The following RBFOX1 variants were observed in gnomAD, a reference collection of about 807,000 sequenced individuals.
The protein encoded by RBFOX1 is RNA binding protein fox-1 homolog 1.
RBFOX1 carries 8 observed loss-of-function variants against 57.7 expected under a neutral mutation model. That is an observed-to-expected ratio of 0.14 (90% CI 0.08 to 0.25). The LOEUF (loss-of-function observed/expected upper bound fraction) is 0.25. Among genes scored for constraint, RBFOX1 ranks in the 10% least tolerant of loss-of-function variants. The pLI is 1.00. For synonymous variants in RBFOX1, 326 were observed against 222.4 expected, an observed-to-expected ratio of 1.47 and a Z score of -4.15; for missense variants, 611 against 548.5, an observed-to-expected ratio of 1.11 and a Z score of -1.14.
intron 2 of RBFOX1, among the ~76,000 whole-genome samples, chr16:6,501,025 G>C (rs1022432748): frequency 6.6e-6 from 1 of 151,556 alleles, no homozygotes; most frequent in Non-Finnish European, 1.5e-5. Flanking sequence ...ACTTCAGCAG[G>C]GTAGGATGGT....
At chr16:6,554,860 G>A (rs372656398) in intron 2 of RBFOX1, among the ~76,000 whole-genome samples, 12 of 147,512 alleles carry the variant, frequency 8.1e-5, no homozygotes, top group African/African-American at 2.1e-4. Context: ...TCGCTCTGTC[G>A]CTCTCTCTCT....
At chr16:5,881,594 C>G (rs561944650) in intron 4 of RBFOX1, among the ~76,000 whole-genome samples, 1 of 152,190 alleles carries the variant, frequency 6.6e-6, no homozygotes, top group Non-Finnish European at 1.5e-5. Context: ...GTGGGAGGAG[C>G]ATTTGAACCT....
intron 3 of RBFOX1, among the ~76,000 whole-genome samples, chr16:5,647,935 C>T (rs780966810): frequency 6.6e-6 from 1 of 152,208 alleles, no homozygotes; most frequent in Non-Finnish European, 1.5e-5. Context: ...TCTCAGCTCA[C>T]TGCAACATCC....
intron 3 of RBFOX1, among the ~76,000 whole-genome samples, chr16:6,899,904 G>C (rs912037974): frequency 1.3e-5 from 2 of 152,072 alleles, no homozygotes; most frequent in Non-Finnish European, 2.9e-5. Flanking sequence ...AGATTTTTTT[G>C]CCCATGTTCT....
At position 7,089,156 on chromosome 16, in the gene RBFOX1, T is replaced by C. The variant is rs537262550; in HGVS notation, c.27+37058T>C. On this transcript the variant is annotated intron_variant, in intron 4 of 15. Coordinates refer to ENST00000550418, the MANE Select transcript of RBFOX1 (RefSeq NM_018723.4). ...TCCACCCGGTTTAGTTTTGCACAAT[T>C]TAGTACAATGAATTCTGGCAGCTGG... 2.0e-5 allele frequency among the ~76,000 whole-genome samples: 3 copies of C among 152,312 alleles called. No homozygotes were observed. The East Asian group carries it at 5.8e-4, about 29-fold the overall frequency.
intron 3 of RBFOX1, among the ~76,000 whole-genome samples, chr16:6,915,899 C>A (rs139715692): frequency 6.6e-6 from 1 of 152,164 alleles, no homozygotes; most frequent in African/African-American, 2.4e-5. Flanking sequence ...GGACATGTTC[C>A]GTGAAAGGGC....
Position 5,947,013 on chromosome 16 carries a change from A to G in RBFOX1, c.351+79678A>G, listed in dbSNP as rs2059413402. On this transcript the variant is annotated intron_variant, in intron 4 of 19. Coordinates refer to the RBFOX1 transcript ENST00000641259. The surrounding 1 kb of genome is among the most constrained non-coding windows in gnomAD (Gnocchi z 7.2). ...GATTGCTTGAGGCCAGGAGTTTGAG[A>G]CCAGCTCTAGCAATATAGTGACACC... 6.6e-6 allele frequency among the ~76,000 whole-genome samples: 1 copy of G among 152,152 alleles called. No individual in the cohort carries two copies.
intron 5 of RBFOX1, among the ~76,000 whole-genome samples, chr16:7,560,810 G>C (rs1183639339): frequency 6.6e-6 from 1 of 152,190 alleles, no homozygotes. Context: ...CATTTTAAGA[G>C]TTTGGACTTT....
chr16:6,537,180 T>G (rs1387403390), intron 2 of RBFOX1, among the ~76,000 whole-genome samples: 1 of 152,156 alleles, frequency 6.6e-6, no homozygotes, highest in Non-Finnish European at 1.5e-5. Flanking sequence ...ATATTCTGTT[T>G]CGTAGGTCTG....
chr16:6,965,397 C>A (rs1174010116), intron 3 of RBFOX1, among the ~76,000 whole-genome samples: 1 of 151,264 alleles, frequency 6.6e-6, no homozygotes, highest in African/African-American at 2.4e-5. Flanking sequence ...GGCTGTAGTG[C>A]AGTGGCGTGA....
intron 3 of RBFOX1, among the ~76,000 whole-genome samples, chr16:7,043,617 T>C (rs973284699): frequency 6.6e-6 from 1 of 152,242 alleles, no homozygotes; most frequent in Non-Finnish European, 1.5e-5. Flanking sequence ...CTGGTAAACT[T>C]GTCCAGTGTT....
chr16:5,783,907 A>G (rs958790549), intron 3 of RBFOX1, among the ~76,000 whole-genome samples: 3 of 152,186 alleles, frequency 2.0e-5, no homozygotes, highest in African/African-American at 7.2e-5. Context: ...CCCCTCCACA[A>G]ATTCATACAT....
chr16:6,105,098 C>T (rs1406019773), intron 1 of RBFOX1, among the ~76,000 whole-genome samples: 2 of 152,126 alleles, frequency 1.3e-5, no homozygotes, highest in African/African-American at 4.8e-5. Flanking sequence ...GTGACTTTGC[C>T]AGAGCCATAT....
chr16:5,610,020 T>A (rs2047718691), intron 3 of RBFOX1, among the ~76,000 whole-genome samples: 2 of 152,186 alleles, frequency 1.3e-5, no homozygotes, highest in Non-Finnish European at 2.9e-5. Flanking sequence ...CCCTTCTTCT[T>A]TTCTTTGCTT....
At chr16:7,509,068 G>A (rs568802059) in intron 4 of RBFOX1, among the ~76,000 whole-genome samples, 133 of 152,306 alleles carry the variant, frequency 8.7e-4, no homozygotes, top group African/African-American at 2.8e-3. Context: ...GGCTGCCTTT[G>A]GCATTGATGT....
chr16:5,793,263 C>G (rs1365715154), intron 3 of RBFOX1, among the ~76,000 whole-genome samples: 2 of 152,258 alleles, frequency 1.3e-5, no homozygotes, highest in African/African-American at 2.4e-5. Context: ...GTGGGCAGCC[C>G]TGGCTGCCTC....
At chr16:5,590,812 CA>C (rs2046982918) in intron 2 of RBFOX1, among the ~76,000 whole-genome samples, 1 of 152,162 alleles carries the variant, frequency 6.6e-6, no homozygotes, top group Non-Finnish European at 1.5e-5. Flanking sequence ...GCATCTACCT[CA>C]GTGGTAAAAT....
intron 2 of RBFOX1, among the ~76,000 whole-genome samples, chr16:6,527,496 A>G (rs2153812823): frequency 6.6e-6 from 1 of 152,168 alleles, no homozygotes; most frequent in African/African-American, 2.4e-5. Context: ...TTGAATGTAT[A>G]ATTTTTATGG....
chr16:6,210,758 A>G (rs12925202), intron 1 of RBFOX1, among the ~76,000 whole-genome samples: 41,696 of 152,096 alleles, frequency 0.27, 6,366 homozygotes, highest in East Asian at 0.49. Context: ...AAAAGAAAAA[A>G]ATTAAAAAAG....
Sources: allele counts gnomAD v4.1 joint callset (sites outside exome capture counted in the v4.1 genomes callset), GRCh38; gene constraint gnomAD v4.1.1; non-coding constraint Gnocchi (gnomAD v3.1); transcripts MANE v1.5; gene names NCBI Gene and HGNC (gene_info 2026-07-23, HGNC 2026-07-21).